CDH18: variants seen among roughly 807,000 people sequenced by gnomAD.
The protein encoded by CDH18 is cadherin-18.
A neutral mutation model predicts 67.9 loss-of-function variants in CDH18; 31 were observed. The observed-to-expected ratio is 0.46, with a 90% CI of 0.34 to 0.62. CDH18 has a LOEUF of 0.62. Among genes scored for constraint, CDH18 ranks in the 20% least tolerant of loss-of-function variants. CDH18 has a pLI of 0.01. For synonymous variants in CDH18, 362 were observed against 347.2 expected, an observed-to-expected ratio of 1.04 and a Z score of -0.48; for missense variants, 890 against 975.5, an observed-to-expected ratio of 0.91 and a Z score of 1.17.
At chr5:20,093,900 A>G (rs1454640607) in intron 2 of CDH18, among the ~76,000 whole-genome samples, 1 of 152,198 alleles carries the variant, frequency 6.6e-6, no homozygotes, top group Non-Finnish European at 1.5e-5. Context: ...AAAATTTAGA[A>G]TTAAAGAGAC....
intron 9 of CDH18, among the ~76,000 whole-genome samples, chr5:19,540,702 T>C (rs1385674927): frequency 6.6e-6 from 1 of 152,148 alleles, no homozygotes; most frequent in African/African-American, 2.4e-5. Flanking sequence ...GCCCAAGCTA[T>C]ACCTTGGCCC....
chr5:20,229,330 C>T (rs1741884887), intron 2 of CDH18, among the ~76,000 whole-genome samples: 1 of 152,026 alleles, frequency 6.6e-6, no homozygotes, highest in South Asian at 2.1e-4. Context: ...TAAACTTCAC[C>T]TAACCAATTT....
chr5:20,574,190 G>C (rs527550509), intron 1 of CDH18, among the ~76,000 whole-genome samples: 9 of 151,128 alleles, frequency 6.0e-5, no homozygotes, highest in Non-Finnish European at 1.0e-4. Flanking sequence ...CAAAATGAAC[G>C]TCATAAAATA....
At chr5:20,474,280 A>AAAAC (rs1268852288) in intron 1 of CDH18, among the ~76,000 whole-genome samples, 1 of 152,128 alleles carries the variant, frequency 6.6e-6, no homozygotes, top group African/African-American at 2.4e-5. Flanking sequence ...CTCCTTCTCA[A>AAAAC]AAACAAACAA....
At chr5:20,327,146 T>C (rs1266065209) in intron 1 of CDH18, among the ~76,000 whole-genome samples, 1 of 152,130 alleles carries the variant, frequency 6.6e-6, no homozygotes, top group Non-Finnish European at 1.5e-5. Flanking sequence ...ATTAAACCTG[T>C]GAAAGAAAAT....
chr5:19,536,388 G>A (rs959934386), intron 9 of CDH18, among the ~76,000 whole-genome samples: 11 of 152,286 alleles, frequency 7.2e-5, no homozygotes, highest in African/African-American at 2.6e-4. Context: ...AGATGAAAGG[G>A]TTATGAAATT....
At chr5:20,328,497 G>A (rs867534654) in intron 1 of CDH18, among the ~76,000 whole-genome samples, 2,041 of 151,330 alleles carry the variant, frequency 0.013, 56 homozygotes, top group African/African-American at 0.047. Flanking sequence ...GTGTGTGTGT[G>A]TGTGTGTGTG....
At chr5:20,177,454 A>G (rs543424400) in intron 2 of CDH18, among the ~76,000 whole-genome samples, 23 of 152,286 alleles carry the variant, frequency 1.5e-4, no homozygotes, top group African/African-American at 5.5e-4. Flanking sequence ...TATAACATTC[A>G]ATGCAAACAA....
At chr5:20,083,261 T>C (rs1744642330) in intron 2 of CDH18, among the ~76,000 whole-genome samples, 1 of 152,178 alleles carries the variant, frequency 6.6e-6, no homozygotes, top group Admixed American at 6.5e-5. Flanking sequence ...GAATAATTAA[T>C]ATGAAAGTCA....
intron 9 of CDH18, among the ~76,000 whole-genome samples, chr5:19,530,256 T>G (rs552603118): frequency 6.6e-6 from 1 of 151,986 alleles, no homozygotes; most frequent in Non-Finnish European, 1.5e-5. Context: ...CTCTTACCAC[T>G]CATCATATAT....
At chr5:19,711,682 A>T (rs142480814) in intron 5 of CDH18, among the ~76,000 whole-genome samples, 1 of 151,608 alleles carries the variant, frequency 6.6e-6, no homozygotes, top group African/African-American at 2.4e-5. Context: ...AATGTTGGAA[A>T]CACCGCAGAG....
At chr5:20,098,452 G>A (rs964486849) in intron 2 of CDH18, among the ~76,000 whole-genome samples, 3 of 151,888 alleles carry the variant, frequency 2.0e-5, no homozygotes, top group African/African-American at 4.8e-5. Context: ...TCTTATTACC[G>A]AAAGGTTTTA....
In CDH18 at chr5:20,000,718, T is replaced by A. The variant is rs566092879; in HGVS notation, c.-517-8704A>T. Among the ~76,000 whole-genome samples the A allele has an allele frequency of 5.3e-5, 8 of 151,568 alleles. No individual in the cohort carries two copies. The South Asian group carries it at 1.7e-3, about 32-fold the overall frequency. ...TATATGCTGTACAGCCCCTAATGGA[T>A]GAGAGGAAAGTTTCTAGGGGATCAG... is the stretch of plus-strand genomic sequence containing the variant. On this transcript the variant is annotated intron_variant, in intron 2 of 14. Transcript: ENST00000507958.
At chr5:20,250,414 T>C (rs1490786661) in intron 2 of CDH18, among the ~76,000 whole-genome samples, 1 of 151,402 alleles carries the variant, frequency 6.6e-6, no homozygotes, top group Non-Finnish European at 1.5e-5. Flanking sequence ...TGCCTCAGCC[T>C]CCTGAGTAGC....
At chr5:19,834,288 T>C (rs570995876) in intron 3 of CDH18, among the ~76,000 whole-genome samples, 1 of 152,194 alleles carries the variant, frequency 6.6e-6, no homozygotes, top group South Asian at 2.1e-4. Flanking sequence ...ATCCATTTCT[T>C]TTAGATTTTC....
intron 2 of CDH18, among the ~76,000 whole-genome samples, chr5:20,170,607 A>G (rs1177509001): frequency 2.0e-5 from 3 of 152,100 alleles, no homozygotes; most frequent in Non-Finnish European, 1.5e-5. Context: ...TGAAAGAAAT[A>G]AATATAGAAA....
intron 2 of CDH18, among the ~76,000 whole-genome samples, chr5:19,930,030 C>T (rs1168816255): frequency 6.6e-6 from 1 of 152,040 alleles, no homozygotes; most frequent in African/African-American, 2.4e-5. Context: ...TGGCAGCTAA[C>T]ACCCATTGAT....
chr5:19,504,006 C>T (rs1268348851), intron 10 of CDH18, among the ~76,000 whole-genome samples: 2 of 145,838 alleles, frequency 1.4e-5, no homozygotes, highest in African/African-American at 2.6e-5. Flanking sequence ...GAACTAATAT[C>T]ATTTCTTAGA....
chr5:19,505,039 T>C (rs1743877156), intron 10 of CDH18, among the ~76,000 whole-genome samples: 1 of 152,144 alleles, frequency 6.6e-6, no homozygotes, highest in African/African-American at 2.4e-5. Context: ...TCCTATTCTA[T>C]TGTGTTTGTA....
Sources: gnomAD v4.1 joint callset for allele counts (sites outside exome capture counted in the v4.1 genomes callset) on GRCh38, gnomAD v4.1.1 for gene constraint, MANE v1.5 for transcripts, NCBI Gene and HGNC (gene_info 2026-07-23, HGNC 2026-07-21) for gene names.